RARRES1: variants seen among roughly 807,000 people sequenced by gnomAD.
RARRES1 encodes the protein retinoic acid receptor responder 1.
A neutral mutation model predicts 30.6 loss-of-function variants in RARRES1; 34 were observed. The observed-to-expected ratio is 1.11, with a 90% CI of 0.84 to 1.48. The LOEUF (loss-of-function observed/expected upper bound fraction) is 1.48. RARRES1 is among the 40% of genes most tolerant of loss of function. The pLI is 0.00. For missense variants in RARRES1, 373 were observed against 386.5 expected, an observed-to-expected ratio of 0.97 and a Z score of 0.29; for synonymous variants, 153 against 155.5, an observed-to-expected ratio of 0.98 and a Z score of 0.12.
intron 1 of RARRES1, among the ~76,000 whole-genome samples, chr3:158,720,506 T>G (rs780612406): frequency 1.3e-4 from 19 of 147,706 alleles, no homozygotes; most frequent in Non-Finnish European, 2.4e-4. Flanking sequence ...TCTAAAGGTG[T>G]CAGCAGGGCC....
chr3:158,722,505 T>C (rs1386051886), intron 1 of RARRES1, among the ~76,000 whole-genome samples: 1 of 152,184 alleles, frequency 6.6e-6, no homozygotes, highest in African/African-American at 2.4e-5. Context: ...CATTGAAATA[T>C]TGGGTGTGTT....
At chr3:158,712,671 G>GA (rs1576814992) in intron 2 of RARRES1, among the ~76,000 whole-genome samples, 2 of 152,120 alleles carry the variant, frequency 1.3e-5, no homozygotes, top group East Asian at 3.9e-4. Context: ...CCAGAGAAGA[G>GA]AAAAAGAACC....
chr3:158,706,978 G>C (rs2108135011), intron 3 of RARRES1, among the ~76,000 whole-genome samples: 1 of 152,268 alleles, frequency 6.6e-6, no homozygotes, highest in South Asian at 2.1e-4. Context: ...AGACCAGCCT[G>C]GACAACATGG....
In RARRES1 at chr3:158,732,279, G is replaced by A; in HGVS notation, c.137C>T (p.Pro46Leu). ...GACCCCAGCATCCTGAGGCTGCCCA[G>A]GGTCGTCGGGGTCCCCGGACCCCGC... ...APAGSGDPDD[P>L]GQPQDAGVPR... The change falls in exon 1 of 6, where the codon CCT (proline) becomes CTT (leucine). Residue 46 changes from proline (P) to leucine (L), a missense_variant. Physicochemically the swap from Pro to Leu is moderately conservative, Grantham distance 98 (BLOSUM62 -3). Coordinates refer to ENST00000237696, the MANE Select transcript of RARRES1 (RefSeq NM_206963.2). 1 of 1,351,372 alleles carries A rather than the reference G, an allele frequency of 7.4e-7. No homozygotes were observed. The highest frequency in any genetic ancestry group is 1.5e-5 in the African/African-American group (1 of 64,958). The allele number at this position is 1,351,372 out of a possible 1,614,324, so 83.7% of individuals were successfully genotyped here. A position where few individuals can be genotyped will look rare whatever the true frequency, so the allele number is the denominator to read the frequency against.
At position 158,728,516 on chromosome 3, in the gene RARRES1, C is replaced by CTTTT. The variant is rs755791546; in HGVS notation, c.276+3620_276+3623dup. Among the ~76,000 whole-genome samples, 617 of 133,878 alleles carry CTTTT rather than the reference C, an allele frequency of 4.6e-3. 5 individuals carry two copies. Among genetic ancestry groups the CTTTT allele is most frequent in the East Asian group, 0.021 (95 of 4,514 alleles). The allele number at this position is 133,878 out of a possible 152,430, so 87.8% of individuals were successfully genotyped here. On this transcript the variant is annotated intron_variant, in intron 1 of 5. Transcript: ENST00000237696. ...GATCAATCGTGGTTTCTTTTTCTTT[C>CTTTT]TTTTTTTTTTTTTTTTTTGGTTTTT...
intron 2 of RARRES1, 22 bp from the exon 3 acceptor site, chr3:158,710,955 T>G (rs1215242829): frequency 1.3e-6 from 2 of 1,597,090 alleles, no homozygotes; most frequent in East Asian, 4.5e-5. Context: ...AACAGGATAC[T>G]TTATCACCTC....
rs538952934 is a variant in RARRES1 at position 158,732,195 on chromosome 3, G to A, written c.221C>T (p.Ser74Phe). 6 of 1,422,728 alleles carry A rather than the reference G, an allele frequency of 4.2e-6. No individual in the cohort carries two copies. In the African/African-American group the frequency reaches 4.5e-5, roughly 11 times the overall value. The allele number at this position is 1,422,728 out of a possible 1,614,324, so 88.1% of individuals were successfully genotyped here. The change falls in exon 1 of 6, where the codon TCC (serine) becomes TTC (phenylalanine). Residue 74 changes from serine to phenylalanine, a missense_variant. Ser to Phe is a radical substitution (Grantham distance 155, BLOSUM62 -2). Coordinates refer to ENST00000237696, the MANE Select transcript of RARRES1 (RefSeq NM_206963.2). Reference protein sequence around the residue: ...RAALHFFNFRSGSPSALRVLA... With the variant: ...RAALHFFNFRFGSPSALRVLA... ...CACTCGTAGCGCGCTGGGCGAGCCGGACCGGAAGTTGAAGAAGTGAAGCGC... is the reference window on the plus strand; with the variant it reads ...CACTCGTAGCGCGCTGGGCGAGCCGAACCGGAAGTTGAAGAAGTGAAGCGC...
At position 158,732,278 on chromosome 3, in the gene RARRES1, A is replaced by G; in HGVS notation, c.138T>C (p.Pro46=). 1.5e-6 allele frequency: 2 copies of G among 1,353,158 alleles called. No homozygotes were observed. Among genetic ancestry groups the G allele is most frequent in the Non-Finnish European group, 1.9e-6 (2 of 1,062,988 alleles). The allele number at this position is 1,353,158 out of a possible 1,614,324, so 83.8% of individuals were successfully genotyped here. Residue 46 remains proline, a synonymous_variant, in exon 1 of 6, where the codon CCT becomes CCC. Transcript: ENST00000237696. ...APAGSGDPDD[P]GQPQDAGVPR... ...GGACCCCAGCATCCTGAGGCTGCCCAGGGTCGTCGGGGTCCCCGGACCCCG... is the reference window on the plus strand; with the variant it reads ...GGACCCCAGCATCCTGAGGCTGCCCGGGGTCGTCGGGGTCCCCGGACCCCG...
Position 158,723,657 on chromosome 3 carries a change from C to G in RARRES1, c.276+8483G>C, listed in dbSNP as rs1375448004. Among the ~76,000 whole-genome samples the G allele has an allele frequency of 6.6e-6, 1 of 152,218 alleles. No individual in the cohort carries two copies. Among genetic ancestry groups the G allele is most frequent in the Non-Finnish European group, 1.5e-5 (1 of 68,040 alleles). On this transcript the variant is annotated intron_variant, in intron 1 of 5. Coordinates refer to ENST00000237696, the MANE Select transcript of RARRES1 (RefSeq NM_206963.2). This position sits in a 1 kb window ranked among gnomAD's most constrained non-coding sequence, Gnocchi z 4.4. ...ACTGTGTGTCCTCTCTCTCAGCCAA[C>G]CCTGGGTCCCACGTTCTTGATTTGG...
chr3:158,703,584 T>C (rs1726806988), intron 4 of RARRES1, among the ~76,000 whole-genome samples: 1 of 152,148 alleles, frequency 6.6e-6, no homozygotes, highest in South Asian at 2.1e-4. Context: ...ATCTGCCTTT[T>C]GTCCCCACTG....
At chr3:158,702,408 A>T (rs545392936) in intron 4 of RARRES1, among the ~76,000 whole-genome samples, 1 of 152,260 alleles carries the variant, frequency 6.6e-6, no homozygotes, top group African/African-American at 2.4e-5. Flanking sequence ...TGGTTGAGAG[A>T]TGTTAGTGGA....
chr3:158,697,765 G>A lies in RARRES1; in HGVS notation c.798C>T (p.Tyr266=), dbSNP rs1263123619. The A allele has an allele frequency of 1.2e-6, 2 of 1,610,182 alleles. No homozygotes were observed. Among genetic ancestry groups the A allele is most frequent in the Non-Finnish European group, 1.7e-6 (2 of 1,176,558 alleles). ...CTGGTGTCTGTAGCTCTTGACAGTG[G>A]TACTTCACTTTAAGAGGTTTGCCAG... ...WYPGKPLKVK[Y]HCQELQTPEE... The change falls in exon 6 of 6, where the codon TAC becomes TAT. Residue 266 remains tyrosine, a synonymous_variant. Transcript: ENST00000237696.
intron 1 of RARRES1, among the ~76,000 whole-genome samples, chr3:158,714,498 T>C (rs1727254042): frequency 6.6e-6 from 1 of 152,228 alleles, no homozygotes. Context: ...AACTTCAGTC[T>C]GCAACAGGAT....
chr3:158,697,866 A>C lies in RARRES1; in HGVS notation c.736-39T>G, dbSNP rs765583991. ...TTATAAAATATTATAATCTGCAAAA[A>C]CTTATGGTAAAAACAATTCTACATA... On this transcript the variant is annotated intron_variant, in intron 5 of 5. Coordinates refer to ENST00000237696, the MANE Select transcript of RARRES1 (RefSeq NM_206963.2). 1.9e-6 allele frequency: 3 copies of C among 1,583,514 alleles called. No individual in the cohort carries two copies. In the African/African-American group the frequency reaches 4.1e-5, roughly 21 times the overall value.
At chr3:158,721,092 A>G (rs1041998328) in intron 1 of RARRES1, among the ~76,000 whole-genome samples, 1 of 152,230 alleles carries the variant, frequency 6.6e-6, no homozygotes, top group Non-Finnish European at 1.5e-5. Flanking sequence ...AGGTGGGGAC[A>G]TCTCCAGGAA....
chr3:158,722,105 AAG>A (rs1553745569), intron 1 of RARRES1, among the ~76,000 whole-genome samples: 55 of 151,894 alleles, frequency 3.6e-4, no homozygotes, highest in Non-Finnish European at 7.4e-4. Flanking sequence ...AAAAAAAAAA[AAG>A]AGTATCCAGA....
chr3:158,698,227 G>T, intron 4 of RARRES1: 1 of 436,068 alleles, frequency 2.3e-6, no homozygotes, highest in Non-Finnish European at 4.1e-6. Flanking sequence ...GTGGGAATAG[G>T]GAGATTCTTT....
At chr3:158,703,531 A>G (rs1184949593) in intron 4 of RARRES1, among the ~76,000 whole-genome samples, 1 of 152,066 alleles carries the variant, frequency 6.6e-6, no homozygotes, top group Admixed American at 6.6e-5. Context: ...AAAGGATGGA[A>G]TGTCCACTTC....
intron 4 of RARRES1, among the ~76,000 whole-genome samples, chr3:158,701,643 C>G (rs1215780483): frequency 6.6e-6 from 1 of 152,170 alleles, no homozygotes; most frequent in Non-Finnish European, 1.5e-5. Context: ...ACCTTCTGCT[C>G]ATAGTGTCTT....
Sources: gnomAD v4.1 joint callset for allele counts (sites outside exome capture counted in the v4.1 genomes callset) on GRCh38, gnomAD v4.1.1 for gene constraint, Gnocchi (gnomAD v3.1) non-coding constraint, MANE v1.5 for transcripts, NCBI Gene and HGNC (gene_info 2026-07-23, HGNC 2026-07-21) for gene names.